TLK1: variants seen among roughly 807,000 people sequenced by gnomAD.
The protein encoded by TLK1 is serine/threonine-protein kinase tousled-like 1.
A neutral mutation model predicts 105.3 loss-of-function variants in TLK1; 24 were observed. The ratio of observed to expected loss-of-function variants is 0.23; its 90% CI spans 0.17 to 0.32. TLK1 has a LOEUF of 0.32. Among genes scored for constraint, TLK1 ranks in the 10% least tolerant of loss-of-function variants. The pLI is 1.00. For synonymous variants in TLK1, 321 were observed against 310.4 expected (o/e 1.03, Z -0.36); for missense variants, 558 against 910.5 (o/e 0.61, Z 4.98).
chr2:171,135,896 GAAAA>G (rs922700202), intron 1 of TLK1, among the ~76,000 whole-genome samples: 7 of 152,090 alleles, frequency 4.6e-5, no homozygotes, highest in African/African-American at 1.7e-4. Flanking sequence ...CAAAAACACT[GAAAA>G]AAAGTGTTGT....
chr2:171,175,438 T>A (rs1692803723), intron 1 of TLK1, among the ~76,000 whole-genome samples: 1 of 152,212 alleles, frequency 6.6e-6, no homozygotes, highest in Non-Finnish European at 1.5e-5. Flanking sequence ...CTAGGTATCA[T>A]AAGTAATCTA....
intron 3 of TLK1, among the ~76,000 whole-genome samples, chr2:171,082,556 T>G (rs969414156): frequency 3.3e-5 from 5 of 152,358 alleles, no homozygotes; most frequent in Non-Finnish European, 5.9e-5. Context: ...ATCATTCATT[T>G]ACAAGTTCAG....
intron 1 of TLK1, among the ~76,000 whole-genome samples, chr2:171,183,131 G>A (rs942672148): frequency 3.3e-5 from 5 of 151,892 alleles, no homozygotes. Flanking sequence ...TAAAAATCAT[G>A]ATACATTACA....
chr2:171,002,476 G>A (rs1472690404), intron 18 of TLK1, among the ~76,000 whole-genome samples: 2 of 151,420 alleles, frequency 1.3e-5, no homozygotes, highest in African/African-American at 2.4e-5. Context: ...GGGTTTCACC[G>A]TGTTAGCCAG....
At chr2:171,071,155 C>G (rs962019987) in intron 3 of TLK1, among the ~76,000 whole-genome samples, 1 of 152,110 alleles carries the variant, frequency 6.6e-6, no homozygotes, top group Admixed American at 6.6e-5. Flanking sequence ...TTGAGCTCCT[C>G]ATATATTCTA....
intron 1 of TLK1, among the ~76,000 whole-genome samples, chr2:171,180,709 G>A (rs1056882957): frequency 6.6e-6 from 1 of 151,988 alleles, no homozygotes; most frequent in Non-Finnish European, 1.5e-5. Context: ...TTTAAAATGA[G>A]TGACTGTTAC....
intron 12 of TLK1, among the ~76,000 whole-genome samples, chr2:171,023,984 A>G (rs1230241671): frequency 6.6e-6 from 1 of 152,224 alleles, no homozygotes; most frequent in Non-Finnish European, 1.5e-5. Context: ...CCTTGAACCC[A>G]CGATTCCACA....
intron 2 of TLK1, among the ~76,000 whole-genome samples, chr2:171,107,390 T>C (rs1369026627): frequency 1.3e-5 from 2 of 152,216 alleles, no homozygotes; most frequent in African/African-American, 4.8e-5. Context: ...TTTTACTAAA[T>C]GTAAATGTCC....
intron 2 of TLK1, among the ~76,000 whole-genome samples, chr2:171,111,585 C>CAAAAAAAA (rs34969114): frequency 8.8e-6 from 1 of 113,892 alleles, no homozygotes; most frequent in African/African-American, 3.2e-5. Flanking sequence ...ATCCTGTATT[C>CAAAAAAAA]AAAAAAAAAA....
chr2:171,081,814 G>A, intron 3 of TLK1: 1 of 723,526 alleles, frequency 1.4e-6, no homozygotes, highest in East Asian at 6.5e-5. Flanking sequence ...GAGATTTCTA[G>A]ATGCTTTCAA....
At chr2:171,094,349 G>A (rs916469211) in intron 2 of TLK1, among the ~76,000 whole-genome samples, 4 of 151,534 alleles carry the variant, frequency 2.6e-5, no homozygotes, top group Non-Finnish European at 4.4e-5. Flanking sequence ...CATATCTAGG[G>A]GATCTACTAT....
chr2:171,133,507 G>A (rs190170216), intron 1 of TLK1, among the ~76,000 whole-genome samples: 29 of 152,250 alleles, frequency 1.9e-4, no homozygotes, highest in Non-Finnish European at 3.2e-4. Flanking sequence ...GCTGAGGCAC[G>A]AGAACCACCT....
intron 1 of TLK1, among the ~76,000 whole-genome samples, chr2:171,189,508 C>T (rs935538887): frequency 1.3e-5 from 2 of 152,150 alleles, no homozygotes; most frequent in African/African-American, 4.8e-5. Flanking sequence ...ATGGGAAAGA[C>T]TTGAGAAAAC....
At chr2:171,010,649 TAA>T (rs1684873519) in intron 14 of TLK1, among the ~76,000 whole-genome samples, 1 of 145,786 alleles carries the variant, frequency 6.9e-6, no homozygotes, top group Non-Finnish European at 1.5e-5. Flanking sequence ...AAGAAAGGCA[TAA>T]AATAGTGAAC....
intron 1 of TLK1, among the ~76,000 whole-genome samples, chr2:171,229,683 A>G (rs772491231): frequency 2.6e-5 from 4 of 152,222 alleles, no homozygotes; most frequent in Non-Finnish European, 4.4e-5. Flanking sequence ...TTGCACAACT[A>G]AGTAGGAGCA....
At chr2:171,176,128 C>T (rs1282089023) in intron 1 of TLK1, among the ~76,000 whole-genome samples, 5 of 151,988 alleles carry the variant, frequency 3.3e-5, no homozygotes, top group African/African-American at 9.7e-5. Flanking sequence ...TTAGTAGACA[C>T]AGGGTTTCTC....
intron 19 of TLK1, among the ~76,000 whole-genome samples, chr2:170,997,147 A>T (rs1239195710): frequency 6.6e-6 from 1 of 152,228 alleles, no homozygotes; most frequent in Non-Finnish European, 1.5e-5. Context: ...TCACAGGCGA[A>T]TTTAAATGAA....
intron 11 of TLK1, among the ~76,000 whole-genome samples, chr2:171,043,155 G>T (rs921346294): frequency 6.6e-6 from 1 of 152,204 alleles, no homozygotes; most frequent in African/African-American, 2.4e-5. Context: ...CAGATTCCTA[G>T]TGTCATCACC....
chr2:171,006,444 TA>T (rs148912074), intron 17 of TLK1, 29 bp downstream of exon 17: 36 of 1,545,776 alleles, frequency 2.3e-5, no homozygotes, highest in Middle Eastern at 1.7e-4. Context: ...TACTCAAGTT[TA>T]AAAAAAATTA....
Sources: gnomAD v4.1 joint callset for allele counts (sites outside exome capture counted in the v4.1 genomes callset) on GRCh38, gnomAD v4.1.1 for gene constraint, MANE v1.5 for transcripts, NCBI Gene and HGNC (gene_info 2026-07-23, HGNC 2026-07-21) for gene names.